ANAPC7: variants seen among roughly 807,000 people sequenced by gnomAD.
ANAPC7 encodes the protein anaphase promoting complex subunit 7.
A neutral mutation model predicts 63.3 loss-of-function variants in ANAPC7; 25 were observed. The ratio of observed to expected loss-of-function variants is 0.39; its 90% CI spans 0.29 to 0.55. The LOEUF (loss-of-function observed/expected upper bound fraction) is 0.55. Among genes scored for constraint, ANAPC7 ranks in the 20% least tolerant of loss-of-function variants. The probability of loss-of-function intolerance (pLI) is 0.57; values close to 1 mark genes in which losing one functional copy is unlikely to be tolerated. For synonymous variants in ANAPC7, 241 were observed against 251.7 expected, an observed-to-expected ratio of 0.96 and a Z score of 0.40; for missense variants, 516 against 691.7, an observed-to-expected ratio of 0.75 and a Z score of 2.85.
chr12:110,381,996 CA>C lies in ANAPC7; in HGVS notation c.936-49del, dbSNP rs1041795593. 1.0e-5 allele frequency: 15 copies of C among 1,470,228 alleles called. No individual in the cohort carries two copies. The Admixed American group carries it at 2.3e-4, about 23-fold the overall frequency. 91.1% of individuals were successfully genotyped at this position (1,470,228 alleles called of 1,614,324 possible). A position where few individuals can be genotyped will look rare whatever the true frequency, so the allele number is the denominator to read the frequency against. On this transcript the variant is annotated intron_variant, in intron 7 of 10. Transcript: ENST00000455511. ...AAACACAAAAACCCCAGAAGTTATC[CA>C]AGAGAAGACTACAAAGAAAGTTGAT...
chr12:110,387,335 G>GAGAGAGAGAGAGA (rs1566269122), intron 5 of ANAPC7: 9 of 22,222 alleles, frequency 4.1e-4, no homozygotes, highest in East Asian at 2.4e-3. Flanking sequence ...GAGAGAGAGA[G>GAGAGAGAGAGAGA]GCAGAGAGAG....
chr12:110,377,325 G>A, intron 9 of ANAPC7, 68 bp downstream of exon 9: 6 of 1,362,586 alleles, frequency 4.4e-6, no homozygotes, highest in Non-Finnish European at 6.2e-6. Context: ...CTGGGACAAG[G>A]GGCTCCAACT....
At chr12:110,382,441 T>TAAA (rs137996217) in intron 7 of ANAPC7, among the ~76,000 whole-genome samples, 71 of 53,060 alleles carry the variant, frequency 1.3e-3, no homozygotes, top group Non-Finnish European at 1.9e-3. Flanking sequence ...ATTATCCTTT[T>TAAA]AAAAAAAAAA....
Position 110,403,703 on chromosome 12 carries a change from CA to C in ANAPC7, c.-77del. The C allele has an allele frequency of 6.4e-7, 1 of 1,551,838 alleles. No homozygotes were observed. Among genetic ancestry groups the C allele is most frequent in the South Asian group, 1.2e-5 (1 of 84,126 alleles). On this transcript the variant is annotated 5_prime_UTR_variant, in exon 1 of 11. Coordinates refer to ENST00000455511, the MANE Select transcript of ANAPC7 (RefSeq NM_016238.3). ...GGTAGAGGATCCTTAGGGAAGACTC[CA>C]AAATGGCGGCGTCGCCGGGGTCCAT...
chr12:110,402,037 G>A (rs1204557188), intron 1 of ANAPC7, among the ~76,000 whole-genome samples: 3 of 151,068 alleles, frequency 2.0e-5, no homozygotes, highest in African/African-American at 7.3e-5. Flanking sequence ...TTAGCTGGGC[G>A]TGTGGCGCTC....
At chr12:110,395,748 C>G (rs1883518852) in intron 2 of ANAPC7, among the ~76,000 whole-genome samples, 2 of 152,102 alleles carry the variant, frequency 1.3e-5, no homozygotes, top group Admixed American at 6.6e-5. Context: ...CCGTGTTAGC[C>G]AGGATGGTTT....
intron 5 of ANAPC7, 144 bp from the exon 6 acceptor site, chr12:110,386,613 C>G (rs1353077606): frequency 1.5e-5 from 12 of 793,806 alleles, no homozygotes; most frequent in Non-Finnish European, 2.1e-5. Context: ...AAGCTTATGA[C>G]TTTAAAAAAA....
chr12:110,380,120 T>C (rs907300091), intron 8 of ANAPC7, among the ~76,000 whole-genome samples: 5 of 152,182 alleles, frequency 3.3e-5, no homozygotes, highest in Admixed American at 6.5e-5. Flanking sequence ...GGAGGCTGAA[T>C]TGGGCAGATC....
chr12:110,374,925 C>A (rs1455115115), intron 10 of ANAPC7, among the ~76,000 whole-genome samples: 2 of 152,112 alleles, frequency 1.3e-5, no homozygotes, highest in African/African-American at 4.8e-5. Flanking sequence ...CCACCCCCAC[C>A]CCCAAAGTTC....
chr12:110,376,269 TACCATTCTG>T (rs1268964991), intron 9 of ANAPC7, 53 bp from the exon 10 acceptor site: 1 of 1,596,406 alleles, frequency 6.3e-7, no homozygotes, highest in Non-Finnish European at 8.6e-7. Context: ...AAACCACAAC[TACCATTCTG>T]ACCATCTCTT....
chr12:110,387,251 G>C (rs943026268), intron 5 of ANAPC7: 1 of 110,812 alleles, frequency 9.0e-6, no homozygotes, highest in African/African-American at 3.7e-5. Flanking sequence ...GAGAGACAGA[G>C]AGACAGAGAG....
Position 110,373,956 on chromosome 12 carries a change from G to C in ANAPC7, c.*188C>G. 1.7e-6 allele frequency: 1 copy of C among 577,264 alleles called. No homozygotes were observed. Among genetic ancestry groups the C allele is most frequent in the Non-Finnish European group, 2.8e-6 (1 of 358,060 alleles). 35.8% of individuals were successfully genotyped at this position (577,264 alleles called of 1,614,324 possible). On this transcript the variant is annotated 3_prime_UTR_variant, in exon 11 of 11. Coordinates refer to ENST00000455511, the MANE Select transcript of ANAPC7 (RefSeq NM_016238.3). ...GGAGCAGGGGAGGATGGAGATACAT[G>C]GAAGGTTGGTCAGGCTCTGTTTTAG...
intron 3 of ANAPC7, among the ~76,000 whole-genome samples, chr12:110,393,627 T>A (rs918354119): frequency 2.0e-5 from 3 of 150,608 alleles, no homozygotes; most frequent in African/African-American, 7.3e-5. Context: ...CAGCACTCTG[T>A]GAGGCCGAGG....
At chr12:110,387,247 C>CAGAGAGACAGAGAGAG (rs1882557443) in intron 5 of ANAPC7, 1 of 33,210 alleles carries the variant, frequency 3.0e-5, no homozygotes, top group Admixed American at 4.2e-4. Flanking sequence ...GACAGAGAGA[C>CAGAGAGACAGAGAGAG]AGAGAGACAG....
intron 3 of ANAPC7, among the ~76,000 whole-genome samples, chr12:110,391,188 TCAAA>T (rs565566333): frequency 2.6e-5 from 4 of 152,042 alleles, no homozygotes; most frequent in South Asian, 4.2e-4. Context: ...AGACTCCATC[TCAAA>T]CAAACAAACA....
chr12:110,377,813 G>A, intron 8 of ANAPC7, 196 bp from the exon 9 acceptor site: 4 of 1,428,000 alleles, frequency 2.8e-6, no homozygotes, highest in Non-Finnish European at 3.7e-6. Flanking sequence ...AGAACTTGAT[G>A]GATGTAGAAA....
intron 10 of ANAPC7, among the ~76,000 whole-genome samples, chr12:110,374,602 T>TA (rs780742694): frequency 3.9e-5 from 6 of 152,160 alleles, no homozygotes; most frequent in South Asian, 2.1e-4. Flanking sequence ...CTATTACCCC[T>TA]AGCATTCTGC....
chr12:110,387,909 CAGA>C lies in ANAPC7; in HGVS notation c.521-20_521-18del. On this transcript the variant is annotated intron_variant, in intron 4 of 10. Coordinates refer to ENST00000455511, the MANE Select transcript of ANAPC7 (RefSeq NM_016238.3). ...ACAACAAGCCTAAACCAACAGAAAGCAGAAGAAAGAAAGTAAGGCACGATATCT... is the reference window on the plus strand; with the variant it reads ...ACAACAAGCCTAAACCAACAGAAAGCAGAAAGAAAGTAAGGCACGATATCT... 1.2e-6 allele frequency: 2 copies of C among 1,611,130 alleles called. No individual in the cohort carries two copies. The highest frequency in any genetic ancestry group is 1.7e-6 in the Non-Finnish European group (2 of 1,177,846).
At chr12:110,402,287 GC>G (rs1264650318) in intron 1 of ANAPC7, among the ~76,000 whole-genome samples, 2 of 152,102 alleles carry the variant, frequency 1.3e-5, no homozygotes, top group Admixed American at 1.3e-4. Flanking sequence ...GCAGATATTT[GC>G]CTTCAGAGGC....
Sources: gnomAD v4.1 joint callset for allele counts (sites outside exome capture counted in the v4.1 genomes callset) on GRCh38, gnomAD v4.1.1 for gene constraint, MANE v1.5 for transcripts, NCBI Gene and HGNC (gene_info 2026-07-23, HGNC 2026-07-21) for gene names.